The following CTNNA3 variants were observed in gnomAD, a reference collection of about 807,000 sequenced individuals.
The protein encoded by CTNNA3 is catenin alpha-3.
Under a neutral mutation model 95.7 loss-of-function variants are expected in CTNNA3, and 76 were observed. The observed-to-expected ratio is 0.79, with a 90% CI of 0.66 to 0.96. CTNNA3 has a LOEUF of 0.96. Ranked by LOEUF, CTNNA3 falls within the 40% of genes least tolerant of loss-of-function variation. The probability of loss-of-function intolerance (pLI) is 0.00; values close to 1 mark genes in which losing one functional copy is unlikely to be tolerated. For synonymous variants in CTNNA3, 431 were observed against 374.4 expected (o/e 1.15, Z -1.74); for missense variants, 1,191 against 1,089.8 (o/e 1.09, Z -1.31).
At chr10:67,116,777 G>C (rs1001809491) in intron 7 of CTNNA3, among the ~76,000 whole-genome samples, 21 of 148,678 alleles carry the variant, frequency 1.4e-4, no homozygotes, top group African/African-American at 5.1e-4. Flanking sequence ...TTTTGTTTAT[G>C]TGATTTAAGT....
chr10:66,618,230 C>A (rs1281484887), intron 10 of CTNNA3, among the ~76,000 whole-genome samples: 3 of 151,448 alleles, frequency 2.0e-5, no homozygotes, highest in Admixed American at 2.0e-4. Flanking sequence ...CATATGGAAC[C>A]AAAAAAGAGC....
intron 10 of CTNNA3, among the ~76,000 whole-genome samples, chr10:66,537,000 T>A (rs1841682309): frequency 6.6e-6 from 1 of 151,882 alleles, no homozygotes; most frequent in Non-Finnish European, 1.5e-5. Flanking sequence ...GCATAAAAAG[T>A]CCGAGGTTAA....
chr10:66,385,372 C>A (rs888882209), intron 11 of CTNNA3, among the ~76,000 whole-genome samples: 13 of 152,190 alleles, frequency 8.5e-5, no homozygotes, highest in African/African-American at 2.4e-4. Context: ...ACACATATAA[C>A]CTCCCAAGAC....
At chr10:67,243,619 C>G (rs770819567) in intron 5 of CTNNA3, among the ~76,000 whole-genome samples, 1 of 152,180 alleles carries the variant, frequency 6.6e-6, no homozygotes, top group Admixed American at 6.6e-5. Context: ...GCTTCTCTCT[C>G]TAGTCTTACT....
chr10:67,714,246 A>C (rs1564838764), intron 1 of CTNNA3, among the ~76,000 whole-genome samples: 4 of 152,200 alleles, frequency 2.6e-5, no homozygotes, highest in Admixed American at 1.3e-4. Context: ...ACAGACACTC[A>C]ATGCCAGACC....
chr10:65,990,849 C>T (rs941365299), intron 15 of CTNNA3, among the ~76,000 whole-genome samples: 1 of 152,050 alleles, frequency 6.6e-6, no homozygotes, highest in Admixed American at 6.5e-5. Flanking sequence ...GACCAATGAC[C>T]TGAAGCATTT....
intron 14 of CTNNA3, among the ~76,000 whole-genome samples, chr10:66,077,644 T>C (rs925977220): frequency 3.3e-5 from 5 of 151,832 alleles, no homozygotes; most frequent in Admixed American, 1.3e-4. Flanking sequence ...TAAGTGTGGC[T>C]GTAGCATAAA....
At chr10:66,690,199 G>T (rs569531344) in intron 9 of CTNNA3, among the ~76,000 whole-genome samples, 3 of 152,168 alleles carry the variant, frequency 2.0e-5, no homozygotes, top group South Asian at 4.2e-4. Context: ...GTTCATCAAT[G>T]GTGGCTCTAG....
At chr10:66,970,324 A>G (rs1849646790) in intron 7 of CTNNA3, among the ~76,000 whole-genome samples, 1 of 152,118 alleles carries the variant, frequency 6.6e-6, no homozygotes, top group African/African-American at 2.4e-5. Flanking sequence ...GTTTTACAGC[A>G]CTATCTCTTA....
chr10:66,069,216 G>T, intron 15 of CTNNA3, 92 bp downstream of exon 15: 1 of 1,256,248 alleles, frequency 8.0e-7, no homozygotes, highest in Non-Finnish European at 1.1e-6. Context: ...CTGATTTTTG[G>T]CACTTGACAC....
chr10:66,001,492 T>G (rs2078768594), intron 15 of CTNNA3, among the ~76,000 whole-genome samples: 1 of 152,080 alleles, frequency 6.6e-6, no homozygotes, highest in African/African-American at 2.4e-5. Flanking sequence ...GAAAAATAAG[T>G]TTTGTCTGCA....
Position 67,564,037 on chromosome 10 carries a change from T to C in CTNNA3, c.293-24368A>G, listed in dbSNP as rs1377288917. The stretch of plus-strand genomic sequence containing the variant: ...TGGAGAAATAGGAACACTTTAACAC[T>C]GTTGGTGGGACTGTAAACTAGTTCA... On this transcript the variant is annotated intron_variant, in intron 3 of 17. Coordinates refer to ENST00000433211, the MANE Select transcript of CTNNA3 (RefSeq NM_013266.4). Among the ~76,000 whole-genome samples the C allele has an allele frequency of 3.4e-5, 5 of 149,144 alleles. 2 individuals carry two copies. Among genetic ancestry groups the C allele is most frequent in the African/African-American group, 1.3e-4 (5 of 39,684 alleles).
chr10:67,650,628 TG>T (rs1564809365), intron 1 of CTNNA3, among the ~76,000 whole-genome samples: 1 of 152,252 alleles, frequency 6.6e-6, no homozygotes, highest in African/African-American at 2.4e-5. Context: ...TAAGTTCATT[TG>T]GTTTAACACA....
chr10:65,939,099 G>A (rs2133170834), intron 17 of CTNNA3, among the ~76,000 whole-genome samples: 1 of 152,078 alleles, frequency 6.6e-6, no homozygotes, highest in African/African-American at 2.4e-5. Flanking sequence ...TAGAGACGGG[G>A]TTTCATCGTG....
At chr10:66,086,463 A>C (rs2080987972) in intron 14 of CTNNA3, among the ~76,000 whole-genome samples, 1 of 152,150 alleles carries the variant, frequency 6.6e-6, no homozygotes, top group African/African-American at 2.4e-5. Context: ...AAAGGTTCTT[A>C]AGCATGGGCT....
intron 7 of CTNNA3, among the ~76,000 whole-genome samples, chr10:67,147,172 C>A (rs191720722): frequency 1.7e-4 from 26 of 152,292 alleles, no homozygotes; most frequent in Admixed American, 1.3e-3. Flanking sequence ...TGACCCTGTT[C>A]AAATTGCAAT....
chr10:66,690,159 T>G (rs1382870561), intron 9 of CTNNA3, among the ~76,000 whole-genome samples: 3 of 152,230 alleles, frequency 2.0e-5, no homozygotes, highest in Admixed American at 2.0e-4. Context: ...TGCATGTATA[T>G]GTGTGTATTT....
At chr10:67,555,308 G>C (rs958199014) in intron 3 of CTNNA3, among the ~76,000 whole-genome samples, 6 of 152,162 alleles carry the variant, frequency 3.9e-5, no homozygotes, top group African/African-American at 1.2e-4. Flanking sequence ...TTGGTAGCTT[G>C]ATGCAGATGG....
chr10:67,260,518 A>C (rs1415530867), intron 5 of CTNNA3, among the ~76,000 whole-genome samples: 6 of 152,228 alleles, frequency 3.9e-5, no homozygotes, highest in South Asian at 2.1e-4. Flanking sequence ...ACTCCAAAAT[A>C]TCTCTCACAT....
Sources: gnomAD v4.1 joint callset for allele counts (sites outside exome capture counted in the v4.1 genomes callset) on GRCh38, gnomAD v4.1.1 for gene constraint, MANE v1.5 for transcripts, NCBI Gene and HGNC (gene_info 2026-07-23, HGNC 2026-07-21) for gene names.